Variants in GABRB1 observed in about 807,000 individuals in gnomAD.
The protein encoded by GABRB1 is gamma-aminobutyric acid receptor subunit beta-1.
A neutral mutation model predicts 51.6 loss-of-function variants in GABRB1; 17 were observed. The observed-to-expected ratio is 0.33, with a 90% CI of 0.23 to 0.49. The LOEUF is 0.49. Among genes scored for constraint, GABRB1 ranks in the 20% least tolerant of loss-of-function variants. The pLI, the probability that GABRB1 is intolerant of heterozygous loss-of-function variation, is 0.99. For synonymous variants in GABRB1, 247 were observed against 218.9 expected (o/e 1.13, Z -1.14); for missense variants, 410 against 600.6 (o/e 0.68, Z 3.32).
intron 8 of GABRB1, among the ~76,000 whole-genome samples, chr4:47,423,426 T>A: frequency 6.6e-6 from 1 of 152,244 alleles, no homozygotes; most frequent in Admixed American, 6.5e-5. Context: ...CACCTGGCTC[T>A]ACTCAGCCAT....
At chr4:47,137,848 T>C (rs1456706237) in intron 3 of GABRB1, among the ~76,000 whole-genome samples, 1 of 152,122 alleles carries the variant, frequency 6.6e-6, no homozygotes, top group African/African-American at 2.4e-5. Flanking sequence ...CAAGTTTAAT[T>C]CAATTTGTTC....
intron 4 of GABRB1, among the ~76,000 whole-genome samples, chr4:47,265,535 T>G (rs776723525): frequency 5.3e-5 from 8 of 152,120 alleles, no homozygotes; most frequent in African/African-American, 9.7e-5. Context: ...TCCATAGAGG[T>G]TGTACTAGTT....
At chr4:47,118,305 G>T (rs1397372596) in intron 3 of GABRB1, among the ~76,000 whole-genome samples, 1 of 152,186 alleles carries the variant, frequency 6.6e-6, no homozygotes, top group Non-Finnish European at 1.5e-5. Flanking sequence ...ATTTCAGTGA[G>T]TATAACTAAA....
intron 4 of GABRB1, among the ~76,000 whole-genome samples, chr4:47,237,089 G>C (rs1187498394): frequency 6.6e-6 from 1 of 151,680 alleles, no homozygotes; most frequent in Non-Finnish European, 1.5e-5. Context: ...AAAAATATTT[G>C]AATTTTTATA....
chr4:47,145,957 C>T (rs191738832), intron 3 of GABRB1, among the ~76,000 whole-genome samples: 21 of 152,090 alleles, frequency 1.4e-4, no homozygotes, highest in Admixed American at 2.6e-4. Context: ...TAAAACTCTC[C>T]GTTTTATTTC....
chr4:47,068,260 C>T (rs899911941), intron 3 of GABRB1, among the ~76,000 whole-genome samples: 1 of 152,194 alleles, frequency 6.6e-6, no homozygotes, highest in African/African-American at 2.4e-5. Context: ...ATCCAGATCA[C>T]TAAAACTTTC....
intron 4 of GABRB1, among the ~76,000 whole-genome samples, chr4:47,252,870 A>C (rs1209211681): frequency 6.6e-6 from 1 of 152,188 alleles, no homozygotes; most frequent in Non-Finnish European, 1.5e-5. Context: ...ATATTCTATT[A>C]AGATAAAAAT....
Position 47,024,933 on chromosome 4 carries a change from C to CATATATATATATATATAT in GABRB1, c.-19-6980_-19-6963dup, listed in dbSNP as rs34532575. On this transcript the variant is annotated intron_variant, in intron 1 of 3. Transcript: ENST00000513567. ...TTTTTATGGCTGGGTAGTATTCCAT[C>CATATATATATATATATAT]ATATATATATATATATATGTTATTT... 1.4e-3 allele frequency among the ~76,000 whole-genome samples: 124 copies of CATATATATATATATATAT among 86,184 alleles called. 11 individuals carry two copies. Among genetic ancestry groups the CATATATATATATATATAT allele is most frequent in the African/African-American group, 4.1e-3 (82 of 20,094 alleles). 56.5% of individuals were successfully genotyped at this position (86,184 alleles called of 152,430 possible).
intron 5 of GABRB1, among the ~76,000 whole-genome samples, chr4:47,395,028 A>G (rs1213605648): frequency 6.6e-6 from 1 of 152,146 alleles, no homozygotes; most frequent in Non-Finnish European, 1.5e-5. Flanking sequence ...ACCCCCTGCA[A>G]TCCTATAAAA....
intron 3 of GABRB1, among the ~76,000 whole-genome samples, chr4:47,081,689 A>G (rs1168669521): frequency 6.6e-6 from 1 of 152,152 alleles, no homozygotes; most frequent in East Asian, 1.9e-4. Context: ...AGGACATACT[A>G]TAATGGCCTT....
At chr4:47,247,813 T>C (rs566626949) in intron 4 of GABRB1, among the ~76,000 whole-genome samples, 103 of 152,232 alleles carry the variant, frequency 6.8e-4, no homozygotes, top group Non-Finnish European at 6.5e-4. Context: ...GATTTGATTC[T>C]CTGCTTGGTC....
Position 47,333,727 on chromosome 4 carries a change from A to C in GABRB1, c.544+13518A>C, listed in dbSNP as rs969087300. 2.2e-4 allele frequency among the ~76,000 whole-genome samples: 34 copies of C among 151,600 alleles called. 1 individual carries two copies. The highest frequency in any genetic ancestry group is 1.5e-3 in the South Asian group (7 of 4,766). On this transcript the variant is annotated intron_variant, in intron 5 of 8. Transcript: ENST00000295454. ...TGAAACATCATCACCCCACCCCCCC[A>C]AAAAAAAGAATAGCTTGTCAAACAG...
chr4:47,416,137 A>G (rs951899852), intron 8 of GABRB1, among the ~76,000 whole-genome samples: 1 of 152,224 alleles, frequency 6.6e-6, no homozygotes, highest in Non-Finnish European at 1.5e-5. Flanking sequence ...CGATAATTAT[A>G]GTAAAGAAAA....
chr4:47,269,408 G>C (rs1197951171), intron 4 of GABRB1, among the ~76,000 whole-genome samples: 14 of 152,120 alleles, frequency 9.2e-5, no homozygotes, highest in Non-Finnish European at 1.5e-5. Context: ...AATTTCATTG[G>C]AGCTAATTAA....
intron 5 of GABRB1, among the ~76,000 whole-genome samples, chr4:47,357,453 A>G (rs1440109648): frequency 6.6e-6 from 1 of 152,190 alleles, no homozygotes; most frequent in Non-Finnish European, 1.5e-5. Flanking sequence ...CCCACCTTGT[A>G]AGGCAGAGCC....
intron 3 of GABRB1, among the ~76,000 whole-genome samples, chr4:47,098,752 G>C (rs1034950598): frequency 5.9e-5 from 9 of 152,052 alleles, no homozygotes; most frequent in African/African-American, 2.2e-4. Context: ...TGGGGAAGAT[G>C]ATACACTGTG....
intron 5 of GABRB1, among the ~76,000 whole-genome samples, chr4:47,354,976 C>CTTTTTTTTTT (rs1553877819): frequency 3.6e-5 from 3 of 82,450 alleles, no homozygotes; most frequent in African/African-American, 1.5e-4. Flanking sequence ...TTCTTTCTTC[C>CTTTTTTTTTT]TTTGTTTTTT....
At chr4:47,302,808 T>C (rs1247208254) in intron 4 of GABRB1, among the ~76,000 whole-genome samples, 2 of 151,952 alleles carry the variant, frequency 1.3e-5, no homozygotes, top group African/African-American at 4.8e-5. Context: ...GATTAATTAA[T>C]TACTGGAGTT....
intron 4 of GABRB1, among the ~76,000 whole-genome samples, chr4:47,285,813 T>C (rs1723491474): frequency 6.6e-6 from 1 of 152,190 alleles, no homozygotes; most frequent in Non-Finnish European, 1.5e-5. Context: ...AGTTAATAAT[T>C]GTTTGACTTT....
Sources: allele counts gnomAD v4.1 joint callset (sites outside exome capture counted in the v4.1 genomes callset), GRCh38; gene constraint gnomAD v4.1.1; transcripts MANE v1.5; gene names NCBI Gene and HGNC (gene_info 2026-07-23, HGNC 2026-07-21).